GIP: variants seen among roughly 807,000 people sequenced by gnomAD.
GIP encodes the protein gastric inhibitory polypeptide, also known as glucose-dependent insulinotropic polypeptide.
A neutral mutation model predicts 18.1 loss-of-function variants in GIP; 16 were observed. The observed-to-expected ratio is 0.88, with a 90% CI of 0.60 to 1.34. The LOEUF (loss-of-function observed/expected upper bound fraction) is 1.34. Among genes scored for constraint, GIP ranks in the 40% most tolerant of loss-of-function variants. The pLI, the probability that GIP is intolerant of heterozygous loss-of-function variation, is 0.00. For missense variants in GIP, 192 were observed against 183.4 expected (o/e 1.05, Z -0.27); for synonymous variants, 76 against 74.0 (o/e 1.03, Z -0.14).
rs545639680 is a variant in GIP at position 48,958,687 on chromosome 17, T to C, written c.*20A>G. 1.6e-5 allele frequency: 25 copies of C among 1,577,162 alleles called. No homozygotes were observed. Among genetic ancestry groups the C allele is most frequent in the African/African-American group, 2.7e-5 (2 of 74,020 alleles). ...CTAAGTGAAGGGCAGAATCCAGTCC[T>C]GAGCTGGGTGTGGTCAGAGTCACCG... On this transcript the variant is annotated 3_prime_UTR_variant, in exon 6 of 6. Transcript: ENST00000357424.
chr17:48,968,283 C>T (rs8075746), intron 1 of GIP, among the ~76,000 whole-genome samples: 2 of 151,762 alleles, frequency 1.3e-5, no homozygotes. Context: ...GTGTAGAGAT[C>T]GAGTTTCCCT....
chr17:48,964,593 A>T (rs1200233705), intron 2 of GIP, 113 bp from the exon 3 acceptor site: 2 of 866,384 alleles, frequency 2.3e-6, no homozygotes, highest in African/African-American at 3.3e-5. Context: ...GTCCGTTTTT[A>T]TGGAGACTCC....
intron 3 of GIP, among the ~76,000 whole-genome samples, chr17:48,962,883 T>C (rs917873302): frequency 2.0e-5 from 3 of 150,250 alleles, no homozygotes; most frequent in African/African-American, 4.9e-5. Flanking sequence ...GGAGGGCAGA[T>C]CACGAGGTCA....
At chr17:48,961,653 A>G in intron 4 of GIP, 74 bp downstream of exon 4, 1 of 901,036 alleles carries the variant, frequency 1.1e-6, no homozygotes, top group Non-Finnish European at 1.8e-6. Flanking sequence ...CTCTGGGGTC[A>G]GGGAGAGGGA....
At position 48,966,398 on chromosome 17, in the gene GIP, G is replaced by A. The variant is rs192368789; in HGVS notation, c.86+749C>T. ...TAGTGAAACCCCATCTCTACTAAAA[G>A]TACAAAAATTAGCCGGGTGTGGTGG... On this transcript the variant is annotated intron_variant, in intron 2 of 5. Transcript: ENST00000357424. Among the ~76,000 whole-genome samples, 109 of 150,050 alleles carry A rather than the reference G, an allele frequency of 7.3e-4. 3 individuals carry two copies. The East Asian group carries it at 0.015, about 21-fold the overall frequency.
intron 4 of GIP, 99 bp from the exon 5 acceptor site, chr17:48,961,086 G>A (rs569088574): frequency 2.7e-4 from 187 of 703,494 alleles, no homozygotes; most frequent in Non-Finnish European, 4.1e-4. Context: ...AGCCGCGGAT[G>A]GGGGGAGGGA....
intron 3 of GIP, among the ~76,000 whole-genome samples, chr17:48,962,447 C>T (rs564947867): frequency 3.3e-5 from 5 of 152,180 alleles, no homozygotes; most frequent in Non-Finnish European, 7.4e-5. Context: ...CAGCTCACTG[C>T]AACGTCCGCC....
In GIP at chr17:48,967,358, T is replaced by C. The variant is rs937381649; in HGVS notation, c.-21-105A>G. ...GGTTTGGACCCTTTCTTTTCCTTTT[T>C]CTTTTTTTTTTTTTTTTTTGAGATG... On this transcript the variant is annotated intron_variant, in intron 1 of 5. Coordinates refer to ENST00000357424, the MANE Select transcript of GIP (RefSeq NM_004123.3). The C allele has an allele frequency of 8.4e-5, 50 of 598,368 alleles. No homozygotes were observed. In the African/African-American group the frequency reaches 9.2e-4, roughly 11 times the overall value. The allele number at this position is 598,368 out of a possible 1,614,324, so 37.1% of individuals were successfully genotyped here.
chr17:48,963,303 T>A lies in GIP; in HGVS notation c.257+1007A>T, dbSNP rs554365970. Among the ~76,000 whole-genome samples, 11 of 151,978 alleles carry A rather than the reference T, an allele frequency of 7.2e-5. No individual in the cohort carries two copies. The South Asian group carries it at 8.3e-4, about 12-fold the overall frequency. On this transcript the variant is annotated intron_variant, in intron 3 of 5. Transcript: ENST00000357424. ...ACTTTGGGAGGCCAAGGCAGGTGGA[T>A]CACCTGAGGTCAGGAGTTCGAGACC...
intron 4 of GIP, among the ~76,000 whole-genome samples, chr17:48,961,228 G>A (rs1470831657): frequency 2.0e-5 from 3 of 152,180 alleles, no homozygotes; most frequent in Non-Finnish European, 4.4e-5. Context: ...ATTCTGGTAT[G>A]AGATATTCTG....
At chr17:48,965,363 G>A (rs1170316612) in intron 2 of GIP, among the ~76,000 whole-genome samples, 4 of 150,642 alleles carry the variant, frequency 2.7e-5, no homozygotes, top group Admixed American at 6.6e-5. Context: ...CCAGCACTCT[G>A]GGAGGCCAAG....
chr17:48,962,603 G>A (rs926875122), intron 3 of GIP, among the ~76,000 whole-genome samples: 2 of 150,142 alleles, frequency 1.3e-5, no homozygotes, highest in Non-Finnish European at 3.0e-5. Context: ...TCCTGACCTC[G>A]TGATTTGCCC....
At chr17:48,961,867 C>T in intron 3 of GIP, 48 bp from the exon 4 acceptor site, 1 of 1,299,212 alleles carries the variant, frequency 7.7e-7, no homozygotes, top group South Asian at 1.2e-5. Context: ...AGACTCCAGT[C>T]TAGGGACACT....
At chr17:48,966,699 C>T (rs895683027) in intron 2 of GIP, among the ~76,000 whole-genome samples, 1 of 151,710 alleles carries the variant, frequency 6.6e-6, no homozygotes, top group Non-Finnish European at 1.5e-5. Context: ...CCTAGCTGCT[C>T]GGGAGGCTGA....
chr17:48,966,156 G>A (rs1190022901), intron 2 of GIP, among the ~76,000 whole-genome samples: 1 of 151,380 alleles, frequency 6.6e-6, no homozygotes, highest in Non-Finnish European at 1.5e-5. Context: ...TGCTTGGGAG[G>A]CTAAAGCAGA....
chr17:48,963,329 T>A (rs4416061), intron 3 of GIP, among the ~76,000 whole-genome samples: 83,486 of 151,388 alleles, frequency 0.55, 24,953 homozygotes, highest in African/African-American at 0.8. Context: ...GTTCGAGACC[T>A]GCCTGACCAA....
In GIP at chr17:48,963,841, C is replaced by CAAAAA. The variant is rs60257330; in HGVS notation, c.257+464_257+468dup. Among the ~76,000 whole-genome samples, 313 of 35,862 alleles carry CAAAAA rather than the reference C, an allele frequency of 8.7e-3. 53 individuals carry two copies. Among genetic ancestry groups the CAAAAA allele is most frequent in the African/African-American group, 0.026 (153 of 5,840 alleles). 23.5% of individuals were successfully genotyped at this position (35,862 alleles called of 152,430 possible). A position where few individuals can be genotyped will look rare whatever the true frequency, so the allele number is the denominator to read the frequency against. On this transcript the variant is annotated intron_variant, in intron 3 of 5. Transcript: ENST00000357424. ...GGGCAACAAGAGCAAAACTCTGTCT[C>CAAAAA]AAAAAAAAAAAAAAAAAAAAAAGAG... is the stretch of plus-strand genomic sequence containing the variant.
At position 48,960,813 on chromosome 17, in the gene GIP, G is replaced by A. The variant is rs533581805; in HGVS notation, c.452+73C>T. The A allele has an allele frequency of 3.4e-6, 3 of 875,998 alleles. No homozygotes were observed. In the East Asian group the frequency reaches 7.9e-5, roughly 23 times the overall value. The allele number at this position is 875,998 out of a possible 1,614,324, so 54.3% of individuals were successfully genotyped here. Reference sequence around the variant, plus strand: ...CTATGTAATCAGCCAGCATGTGGAGGGGCAAAGATCTGAATCCATGTCTGA... The same window carrying A: ...CTATGTAATCAGCCAGCATGTGGAGAGGCAAAGATCTGAATCCATGTCTGA... On this transcript the variant is annotated intron_variant, in intron 5 of 5. Coordinates refer to ENST00000357424, the MANE Select transcript of GIP (RefSeq NM_004123.3).
Position 48,963,841 on chromosome 17 carries a change from C to CAAA in GIP, c.257+466_257+468dup, listed in dbSNP as rs60257330. On this transcript the variant is annotated intron_variant, in intron 3 of 5. Coordinates refer to ENST00000357424, the MANE Select transcript of GIP (RefSeq NM_004123.3). ...GGGCAACAAGAGCAAAACTCTGTCT[C>CAAA]AAAAAAAAAAAAAAAAAAAAAAGAG... Among the ~76,000 whole-genome samples, 185 of 35,522 alleles carry CAAA rather than the reference C, an allele frequency of 5.2e-3. 13 individuals carry two copies. The highest frequency in any genetic ancestry group is 0.05 in the Middle Eastern group (1 of 20). The allele number at this position is 35,522 out of a possible 152,430, so 23.3% of individuals were successfully genotyped here. A position where few individuals can be genotyped will look rare whatever the true frequency, so the allele number is the denominator to read the frequency against.
Sources: gnomAD v4.1 joint callset for allele counts (sites outside exome capture counted in the v4.1 genomes callset) on GRCh38, gnomAD v4.1.1 for gene constraint, MANE v1.5 for transcripts, NCBI Gene and HGNC (gene_info 2026-07-23, HGNC 2026-07-21) for gene names.